Variants in SHARPIN observed in about 807,000 individuals in gnomAD.
The protein encoded by SHARPIN is hSIPL1.
In SHARPIN, 25 loss-of-function variants were observed where a neutral mutation model predicts 40.3. That is an observed-to-expected ratio of 0.62 (90% CI 0.45 to 0.87). The LOEUF (loss-of-function observed/expected upper bound fraction) is 0.87. SHARPIN is among the 40% of genes least tolerant of loss of function. SHARPIN has a pLI of 0.00. For synonymous variants in SHARPIN, 274 were observed against 221.8 expected, an observed-to-expected ratio of 1.24 and a Z score of -2.09; for missense variants, 551 against 516.1, an observed-to-expected ratio of 1.07 and a Z score of -0.66.
At chr8:144,102,081 G>A (rs1564314963) in intron 2 of SHARPIN, among the ~76,000 whole-genome samples, 1 of 152,084 alleles carries the variant, frequency 6.6e-6, no homozygotes, top group African/African-American at 2.4e-5. Context: ...CATTTAAGCA[G>A]CCATGTGAGC....
In SHARPIN at chr8:144,098,878, C is replaced by T; in HGVS notation, c.1164G>A (p.Ter388=). ...CCACCTCTGGTACCTCTGGTGGCTG[C>T]TAGGTGGAAGCTGCAGCAAGGGGGT... The part of the protein sequence containing the change: ...TWDPLAAAST[*] The change falls in exon 8 of 9, where the codon TAG becomes TAA. Residue 388 remains the stop codon, a stop_retained_variant. Transcript: ENST00000398712. The T allele has an allele frequency of 1.9e-6, 3 of 1,584,478 alleles. No individual in the cohort carries two copies. The highest frequency in any genetic ancestry group is 2.6e-6 in the Non-Finnish European group (3 of 1,169,606).
At position 144,099,786 on chromosome 8, in the gene SHARPIN, G is replaced by A. The variant is rs1836249802; in HGVS notation, c.576C>T (p.Ala192=). Reference sequence around the variant, plus strand: ...GCTGGGCCAGGACGGCTGCCACTTGGGCTGCCCCCTTCTCGTCTCCACCTG... The same window carrying A: ...GCTGGGCCAGGACGGCTGCCACTTGAGCTGCCCCCTTCTCGTCTCCACCTG... ...AIAGGDEKGA[A]QVAAVLAQHR... is the part of the protein sequence containing the mutation. The change falls in exon 4 of 9, where the codon GCC becomes GCT. Residue 192 remains alanine (A), a synonymous_variant. Coordinates refer to ENST00000398712, the MANE Select transcript of SHARPIN (RefSeq NM_030974.4). The A allele has an allele frequency of 1.2e-6, 2 of 1,613,036 alleles. No individual in the cohort carries two copies. The highest frequency in any genetic ancestry group is 1.7e-6 in the Non-Finnish European group (2 of 1,179,994).
In SHARPIN at chr8:144,099,996, G is replaced by T. The variant is rs1183891258; in HGVS notation, c.450C>A (p.Ala150=). ...CAGGTGGAGGGCCCTTGAGTGTGGA[G>T]GCTTCCGGGGGACTGGGCAGGGAGA... ...CPVSLPSPPE[A]STLKGPPPEA... The change falls in exon 3 of 9, where the codon GCC becomes GCA. Residue 150 remains alanine, a synonymous_variant. Transcript: ENST00000398712. 2.5e-6 allele frequency: 4 copies of T among 1,609,556 alleles called. No homozygotes were observed. In the African/African-American group the frequency reaches 5.4e-5, roughly 22 times the overall value.
intron 1 of SHARPIN, 22 bp from the exon 2 acceptor site, chr8:144,103,247 G>A (rs764006979): frequency 6.3e-7 from 1 of 1,578,406 alleles, no homozygotes; most frequent in Admixed American, 1.9e-5. Flanking sequence ...GAGAGTCCAG[G>A]CTCAGGGCGT....
In SHARPIN at chr8:144,100,084, T is replaced by TG. The variant is rs762333513; in HGVS notation, c.377-16dup. On this transcript the variant is annotated splice_polypyrimidine_tract_variant and intron_variant, in intron 2 of 8. Transcript: ENST00000398712. ...GCTCTTGCTGCCTAGAGGTAAGATA[T>TG]GGGTGTGCTGTGCTGTGGCCTCTGT... 5 of 1,556,510 alleles carry TG rather than the reference T, an allele frequency of 3.2e-6. No homozygotes were observed. Among genetic ancestry groups the TG allele is most frequent in the Non-Finnish European group, 4.3e-6 (5 of 1,152,386 alleles).
chr8:144,103,256 G>C lies in SHARPIN; in HGVS notation c.202-31C>G, dbSNP rs767217219. The C allele has an allele frequency of 2.5e-6, 4 of 1,571,898 alleles. No homozygotes were observed. In the East Asian group the frequency reaches 9.0e-5, roughly 35 times the overall value. The stretch of plus-strand genomic sequence containing the variant: ...AAGAGGGAGAGTCCAGGCTCAGGGC[G>C]TCCCCCCGCCCTACATCGCACGAGG... On this transcript the variant is annotated intron_variant, in intron 1 of 8. Coordinates refer to ENST00000398712, the MANE Select transcript of SHARPIN (RefSeq NM_030974.4).
chr8:144,099,445 T>G lies in SHARPIN; in HGVS notation c.769-15A>C. On this transcript the variant is annotated splice_polypyrimidine_tract_variant and intron_variant, in intron 5 of 8. Coordinates refer to ENST00000398712, the MANE Select transcript of SHARPIN (RefSeq NM_030974.4). Reference sequence around the variant, plus strand: ...TCTGAGAACACCTGTGGCCAGAGCATCAGGGCAGGTGATGTCACCTAGGCT... The same window carrying G: ...TCTGAGAACACCTGTGGCCAGAGCAGCAGGGCAGGTGATGTCACCTAGGCT... 6.2e-7 allele frequency: 1 copy of G among 1,609,878 alleles called. No homozygotes were observed. Among genetic ancestry groups the G allele is most frequent in the East Asian group, 2.2e-5 (1 of 44,856 alleles).
At position 144,103,693 on chromosome 8, in the gene SHARPIN, G is replaced by C; in HGVS notation, c.61C>G (p.Leu21Val). ...AASDLGSAAV[L>V]LAVHAAVRPL... ...CTCACCGCGGCGTGCACAGCCAAGA[G>C]CACTGCGGCGGAGCCCAAGTCCGAG... The change falls in exon 1 of 9, where the codon CTC becomes GTC. Residue 21 changes from leucine (L) to valine (V), a missense_variant. Leu to Val is a conservative substitution (Grantham distance 32). Coordinates refer to ENST00000398712, the MANE Select transcript of SHARPIN (RefSeq NM_030974.4). 1 of 1,491,528 alleles carries C rather than the reference G, an allele frequency of 6.7e-7. No homozygotes were observed. The highest frequency in any genetic ancestry group is 8.9e-7 in the Non-Finnish European group (1 of 1,128,004). 92.4% of individuals were successfully genotyped at this position (1,491,528 alleles called of 1,614,324 possible). A position where few individuals can be genotyped will look rare whatever the true frequency, so the allele number is the denominator to read the frequency against.
chr8:144,099,272 CTG>C lies in SHARPIN; in HGVS notation c.922+3_922+4del. 6.2e-7 allele frequency: 1 copy of C among 1,614,060 alleles called. No homozygotes were observed. Among genetic ancestry groups the C allele is most frequent in the Non-Finnish European group, 8.5e-7 (1 of 1,179,980 alleles). ...TCCCACACCCCACCCCCATCGAGGA[CTG>C]ACCTGGGGCTTCTCGAGGAGCTGAC... On this transcript the variant is annotated splice_donor_region_variant and intron_variant, in intron 6 of 8. Coordinates refer to ENST00000398712, the MANE Select transcript of SHARPIN (RefSeq NM_030974.4).
At chr8:144,099,900 AC>A (rs773204855) in intron 3 of SHARPIN, 28 bp downstream of exon 3, 1 of 1,170,608 alleles carries the variant, frequency 8.5e-7, no homozygotes, top group South Asian at 1.2e-5. Context: ...CTATCCCCGA[AC>A]CCCCCAACCC....
At position 144,103,236 on chromosome 8, in the gene SHARPIN, G is replaced by T; in HGVS notation, c.202-11C>A. On this transcript the variant is annotated splice_polypyrimidine_tract_variant and intron_variant, in intron 1 of 8. Transcript: ENST00000398712. ...CCACTCCAAATTAACCTGAGAAGAGGGAGAGTCCAGGCTCAGGGCGTCCCC... is the reference window on the plus strand; with the variant it reads ...CCACTCCAAATTAACCTGAGAAGAGTGAGAGTCCAGGCTCAGGGCGTCCCC... 1 of 1,594,612 alleles carries T rather than the reference G, an allele frequency of 6.3e-7. No individual in the cohort carries two copies. Among genetic ancestry groups the T allele is most frequent in the Non-Finnish European group, 8.5e-7 (1 of 1,170,400 alleles).
In SHARPIN at chr8:144,098,968, G is replaced by C; in HGVS notation, c.1074C>G (p.Thr358=). The C allele has an allele frequency of 6.3e-7, 1 of 1,598,148 alleles. No homozygotes were observed. Among genetic ancestry groups the C allele is most frequent in the Non-Finnish European group, 8.5e-7 (1 of 1,175,742 alleles). Residue 358 remains threonine (T), a synonymous_variant, in exon 8 of 9, where the codon ACC becomes ACG. Transcript: ENST00000398712. ...CAGGGCGGTCTGGGGCATTGATGAAGGTGCAGGAAGGACAGGACCAGCTGG... is the reference window on the plus strand; with the variant it reads ...CAGGGCGGTCTGGGGCATTGATGAACGTGCAGGAAGGACAGGACCAGCTGG... ...LQPSWSCPSC[T]FINAPDRPGC... is the part of the protein sequence containing the mutation.
At position 144,099,199 on chromosome 8, in the gene SHARPIN, C is replaced by A; in HGVS notation, c.929G>T (p.Gly310Val). The A allele has an allele frequency of 1.2e-6, 2 of 1,605,964 alleles. No individual in the cohort carries two copies. Among genetic ancestry groups the A allele is most frequent in the Non-Finnish European group, 1.7e-6 (2 of 1,176,918 alleles). ...CTTCTGGGGGTGCTGAGGGCTAGGT[C>A]CTGTGGCTGAGGGGGTGGAGCTCAG... ...LSAPREAPATGPSPQHPQKMD... is the reference protein window; with the variant it reads ...LSAPREAPATVPSPQHPQKMD... Residue 310 changes from glycine (G) to valine (V), a missense_variant, in exon 7 of 9, where the codon GGA (glycine) becomes GTA (valine). Gly to Val is a moderately radical substitution (Grantham distance 109). Coordinates refer to ENST00000398712, the MANE Select transcript of SHARPIN (RefSeq NM_030974.4).
chr8:144,099,948 A>C lies in SHARPIN; in HGVS notation c.498T>G (p.Pro166=). 2 of 1,591,472 alleles carry C rather than the reference A, an allele frequency of 1.3e-6. No individual in the cohort carries two copies. Among genetic ancestry groups the C allele is most frequent in the South Asian group, 2.2e-5 (2 of 90,380 alleles). Residue 166 remains proline, a synonymous_variant, in exon 3 of 9, where the codon CCT becomes CCG. Coordinates refer to ENST00000398712, the MANE Select transcript of SHARPIN (RefSeq NM_030974.4). ...PPPEADLPRS[P]GNLTEREELA... ...CTGTACCTCTCTCCGTCAAGTTTCC[A>C]GGGCTCCTAGGAAGATCTGCCTCAG...
intron 2 of SHARPIN, among the ~76,000 whole-genome samples, chr8:144,100,552 G>A (rs1320145548): frequency 6.6e-6 from 1 of 152,224 alleles, no homozygotes; most frequent in African/African-American, 2.4e-5. Flanking sequence ...TACCCGCCCT[G>A]TGAGGCCCAG....
At chr8:144,102,686 T>C in intron 2 of SHARPIN, 3 of 369,176 alleles carry the variant, frequency 8.1e-6, no homozygotes, top group East Asian at 6.4e-5. Flanking sequence ...AGTCTGTCAC[T>C]CTCCCACTCC....
At chr8:144,103,478 G>A (rs1297965524) in intron 1 of SHARPIN, 75 bp downstream of exon 1, 30 of 1,428,872 alleles carry the variant, frequency 2.1e-5, no homozygotes, top group Non-Finnish European at 2.5e-5. Flanking sequence ...GGTGGCAAGC[G>A]GAGGGGCCTA....
Position 144,098,792 on chromosome 8 carries a change from TG to T in SHARPIN, c.*13-5del. 1 of 1,047,010 alleles carries T rather than the reference TG, an allele frequency of 9.6e-7. No individual in the cohort carries two copies. The highest frequency in any genetic ancestry group is 1.4e-6 in the Non-Finnish European group (1 of 723,896). 64.9% of individuals were successfully genotyped at this position (1,047,010 alleles called of 1,614,324 possible). A position where few individuals can be genotyped will look rare whatever the true frequency, so the allele number is the denominator to read the frequency against. ...AGGGCCACTCTCCCCTTGTAACCTG[TG>T]GGGGAGGAGCTGGGTCATTCCTGTG... On this transcript the variant is annotated splice_polypyrimidine_tract_variant and splice_region_variant and intron_variant, in intron 8 of 8. Coordinates refer to ENST00000398712, the MANE Select transcript of SHARPIN (RefSeq NM_030974.4).
Position 144,103,548 on chromosome 8 carries a change from C to G in SHARPIN, c.201+5G>C. The G allele has an allele frequency of 6.5e-7, 1 of 1,531,834 alleles. No individual in the cohort carries two copies. The highest frequency in any genetic ancestry group is 8.7e-7 in the Non-Finnish European group (1 of 1,145,654). 94.9% of individuals were successfully genotyped at this position (1,531,834 alleles called of 1,614,324 possible). Reference sequence around the variant, plus strand: ...ACTGACCGCGCGCCCTCCGCCCCCACTCACCGCCCCAGGTCCCGCGCCCAG... The same window carrying G: ...ACTGACCGCGCGCCCTCCGCCCCCAGTCACCGCCCCAGGTCCCGCGCCCAG... On this transcript the variant is annotated splice_donor_5th_base_variant and intron_variant, in intron 1 of 8. Transcript: ENST00000398712.
Sources: allele counts gnomAD v4.1 joint callset (sites outside exome capture counted in the v4.1 genomes callset), GRCh38; gene constraint gnomAD v4.1.1; transcripts MANE v1.5; gene names NCBI Gene and HGNC (gene_info 2026-07-23, HGNC 2026-07-21).